NDST4: variants seen among roughly 807,000 people sequenced by gnomAD.
The protein encoded by NDST4 is N-heparan sulfate sulfotransferase 4.
A neutral mutation model predicts 100.8 loss-of-function variants in NDST4; 63 were observed. The ratio of observed to expected loss-of-function variants is 0.62; its 90% CI spans 0.51 to 0.77. The LOEUF (loss-of-function observed/expected upper bound fraction) is 0.77. Ranked by LOEUF, NDST4 falls within the 30% of genes least tolerant of loss-of-function variation. NDST4 has a pLI of 0.00. For missense variants in NDST4, 943 were observed against 1,018.4 expected (o/e 0.93, Z 1.01); for synonymous variants, 377 against 361.8 (o/e 1.04, Z -0.48).
intron 7 of NDST4, among the ~76,000 whole-genome samples, chr4:114,864,743 C>T (rs910986204): frequency 4.6e-5 from 7 of 152,104 alleles, no homozygotes; most frequent in Admixed American, 4.6e-4. Context: ...CTACAGAACT[C>T]CTGTAGCACT....
chr4:114,958,997 C>T (rs1726201167), intron 4 of NDST4, among the ~76,000 whole-genome samples: 1 of 152,134 alleles, frequency 6.6e-6, no homozygotes, highest in South Asian at 2.1e-4. Context: ...AATCATCTCT[C>T]TCAAGTTCAA....
intron 6 of NDST4, among the ~76,000 whole-genome samples, chr4:114,933,922 C>A (rs989122470): frequency 1.3e-5 from 2 of 152,110 alleles, no homozygotes; most frequent in African/African-American, 4.8e-5. Flanking sequence ...TAAATTACTT[C>A]ATATTATGGA....
chr4:115,072,749 G>A (rs1326547501), intron 2 of NDST4, among the ~76,000 whole-genome samples: 2 of 151,918 alleles, frequency 1.3e-5, no homozygotes, highest in Admixed American at 6.6e-5. Flanking sequence ...AGAAAACATA[G>A]AGGGAACTTC....
intron 2 of NDST4, among the ~76,000 whole-genome samples, chr4:114,986,245 T>C (rs546094805): frequency 1.3e-5 from 2 of 152,318 alleles, no homozygotes; most frequent in South Asian, 4.1e-4. Flanking sequence ...GTTATATAAA[T>C]CATTAAACTG....
At chr4:114,856,212 A>G (rs914658642) in intron 7 of NDST4, among the ~76,000 whole-genome samples, 1 of 152,018 alleles carries the variant, frequency 6.6e-6, no homozygotes, top group Non-Finnish European at 1.5e-5. Context: ...ACAGATGTGC[A>G]CAACCATGCC....
intron 1 of NDST4, among the ~76,000 whole-genome samples, chr4:115,081,055 C>G (rs1729291391): frequency 6.6e-6 from 1 of 150,772 alleles, no homozygotes; most frequent in South Asian, 2.1e-4. Flanking sequence ...GTCAGTTTTG[C>G]ATATTTAGAC....
intron 1 of NDST4, among the ~76,000 whole-genome samples, chr4:115,105,632 C>T (rs919165081): frequency 1.2e-4 from 19 of 152,074 alleles, no homozygotes; most frequent in African/African-American, 3.9e-4. Flanking sequence ...ATCTTGGTAG[C>T]CAGCATTTAT....
At chr4:115,003,907 A>G (rs1467665600) in intron 2 of NDST4, among the ~76,000 whole-genome samples, 1 of 152,110 alleles carries the variant, frequency 6.6e-6, no homozygotes, top group African/African-American at 2.4e-5. Context: ...TCATTTTAAA[A>G]TAAAGAAAAT....
At chr4:114,970,371 A>C (rs1292994685) in intron 4 of NDST4, 59 bp downstream of exon 4, 2 of 1,464,908 alleles carry the variant, frequency 1.4e-6, no homozygotes, top group African/African-American at 2.8e-5. Context: ...TTAATTTTAC[A>C]CTTCCACCAC....
chr4:115,046,772 GA>G (rs1295810503), intron 2 of NDST4, among the ~76,000 whole-genome samples: 1 of 152,030 alleles, frequency 6.6e-6, no homozygotes, highest in East Asian at 1.9e-4. Context: ...GGTGATGGAG[GA>G]ATCACAATTG....
intron 4 of NDST4, among the ~76,000 whole-genome samples, chr4:114,962,663 G>A (rs1899335): frequency 6.6e-6 from 1 of 151,750 alleles, no homozygotes; most frequent in Non-Finnish European, 1.5e-5. Flanking sequence ...AATTATAGCC[G>A]ACCCAAATAA....
At chr4:114,863,059 G>A (rs1014436046) in intron 7 of NDST4, among the ~76,000 whole-genome samples, 1 of 151,984 alleles carries the variant, frequency 6.6e-6, no homozygotes, top group Non-Finnish European at 1.5e-5. Context: ...CTTTATTAAC[G>A]GATGTTTGTA....
At chr4:115,060,017 G>A (rs929921085) in intron 2 of NDST4, among the ~76,000 whole-genome samples, 5 of 151,968 alleles carry the variant, frequency 3.3e-5, no homozygotes, top group South Asian at 2.1e-4. Context: ...GATAGTTCCC[G>A]TTCCACTGTC....
chr4:114,893,208 T>C (rs929593229), intron 6 of NDST4, among the ~76,000 whole-genome samples: 2 of 152,212 alleles, frequency 1.3e-5, no homozygotes, highest in African/African-American at 4.8e-5. Flanking sequence ...TAAACATACA[T>C]GTGCATGTGT....
At chr4:114,951,655 T>G (rs1725992525) in intron 4 of NDST4, among the ~76,000 whole-genome samples, 1 of 152,120 alleles carries the variant, frequency 6.6e-6, no homozygotes, top group African/African-American at 2.4e-5. Flanking sequence ...TTTTACATAT[T>G]TGAAAATTAT....
intron 2 of NDST4, among the ~76,000 whole-genome samples, chr4:114,978,674 T>C (rs1244831055): frequency 1.3e-5 from 2 of 152,016 alleles, no homozygotes; most frequent in African/African-American, 4.8e-5. Context: ...ATATTATGCA[T>C]TATTTCCCTT....
chr4:114,918,925 AT>A lies in NDST4; in HGVS notation c.1536+16280del, dbSNP rs912247434. Among the ~76,000 whole-genome samples the A allele has an allele frequency of 3.3e-5, 5 of 151,846 alleles. No homozygotes were observed. The East Asian group carries it at 5.8e-4, about 18-fold the overall frequency. On this transcript the variant is annotated intron_variant, in intron 6 of 13. Coordinates refer to ENST00000264363, the MANE Select transcript of NDST4 (RefSeq NM_022569.3). ...ATTGTTTTTTGTTTCTTGTTTTGGT[AT>A]TTTTTTTAGAAAATAAAACTCTCCA...
intron 2 of NDST4, among the ~76,000 whole-genome samples, chr4:115,014,191 T>A (rs1322317233): frequency 6.6e-6 from 1 of 152,082 alleles, no homozygotes; most frequent in East Asian, 1.9e-4. Flanking sequence ...AGGCCAGCAA[T>A]GCTTTTGCAC....
chr4:115,011,442 G>A (rs759709167), intron 2 of NDST4, among the ~76,000 whole-genome samples: 1 of 151,122 alleles, frequency 6.6e-6, no homozygotes, highest in African/African-American at 2.4e-5. Flanking sequence ...ATGGAGTTTA[G>A]ACTAACATGA....
Sources: gnomAD v4.1 joint callset for allele counts (sites outside exome capture counted in the v4.1 genomes callset) on GRCh38, gnomAD v4.1.1 for gene constraint, MANE v1.5 for transcripts, NCBI Gene and HGNC (gene_info 2026-07-23, HGNC 2026-07-21) for gene names.